The following STK3 variants were observed in gnomAD, a reference collection of about 807,000 sequenced individuals.
The protein encoded by STK3 is serine/threonine-protein kinase 3.
STK3 carries 41 observed loss-of-function variants against 58.0 expected under a neutral mutation model. The observed-to-expected ratio is 0.71, with a 90% CI of 0.55 to 0.92. The LOEUF is 0.92. Ranked by LOEUF, STK3 falls within the 40% of genes least tolerant of loss-of-function variation. STK3 has a pLI of 0.00. For synonymous variants in STK3, 170 were observed against 191.0 expected, an observed-to-expected ratio of 0.89 and a Z score of 0.91; for missense variants, 479 against 602.7, an observed-to-expected ratio of 0.79 and a Z score of 2.15.
chr8:98,767,350 T>C lies in STK3; in HGVS notation c.129A>G (p.Lys43=), dbSNP rs1414318589. 2.5e-6 allele frequency: 4 copies of C among 1,607,014 alleles called. No homozygotes were observed. The highest frequency in any genetic ancestry group is 3.4e-6 in the Non-Finnish European group (4 of 1,178,362). ...LGEGSYGSVF[K]AIHKESGQVV... is the part of the protein sequence containing the mutation. ...CTTGACCGGATTCCTTGTGTATTGC[T>C]TTAAATACACTTCCATAAGACCTAA... Residue 43 remains lysine (K), a synonymous_variant, in exon 3 of 11, where the codon AAA becomes AAG. Coordinates refer to ENST00000419617, the MANE Select transcript of STK3 (RefSeq NM_006281.4).
chr8:98,666,927 C>A (rs1302283334), intron 6 of STK3, among the ~76,000 whole-genome samples: 2 of 152,068 alleles, frequency 1.3e-5, no homozygotes, highest in East Asian at 1.9e-4. Flanking sequence ...ACAGTGTAAA[C>A]CTTAATTCGT....
chr8:98,720,750 CAAAA>C (rs35529460), intron 4 of STK3, among the ~76,000 whole-genome samples: 3 of 94,768 alleles, frequency 3.2e-5, no homozygotes, highest in Non-Finnish European at 6.5e-5. Context: ...GACTCCGTCT[CAAAA>C]AAAAAAAAAA....
chr8:98,743,806 A>C (rs532840474), intron 4 of STK3, among the ~76,000 whole-genome samples: 5 of 151,920 alleles, frequency 3.3e-5, no homozygotes, highest in African/African-American at 9.6e-5. Flanking sequence ...GCAACCTACA[A>C]AATGGGAGAA....
intron 10 of STK3, among the ~76,000 whole-genome samples, chr8:98,508,414 G>A (rs561923079): frequency 6.6e-6 from 1 of 152,156 alleles, no homozygotes; most frequent in African/African-American, 2.4e-5. Flanking sequence ...GTCAAGACAG[G>A]CAAATCCACA....
At chr8:98,368,740 G>C (rs57068052), downstream of STK3, among the ~76,000 whole-genome samples, 694 of 152,240 alleles carry the variant, frequency 4.6e-3, 6 homozygotes, top group African/African-American at 0.016. Context: ...GAACTGTGAT[G>C]GTGCCATCAC....
chr8:98,757,169 G>A (rs945663554), intron 3 of STK3, among the ~76,000 whole-genome samples: 4 of 151,662 alleles, frequency 2.6e-5, no homozygotes, highest in Non-Finnish European at 5.9e-5. Flanking sequence ...CATGATATGT[G>A]AGTAATAATA....
At chr8:98,668,969 C>T (rs146437669) in intron 6 of STK3, among the ~76,000 whole-genome samples, 3,239 of 149,680 alleles carry the variant, frequency 0.022, 48 homozygotes, top group Non-Finnish European at 0.034. Flanking sequence ...CTTGATTACA[C>T]GTGCCAAATT....
chr8:98,421,379 T>C (rs922487206), intron 3 of STK3, among the ~76,000 whole-genome samples: 4 of 152,186 alleles, frequency 2.6e-5, no homozygotes, highest in Non-Finnish European at 5.9e-5. Flanking sequence ...AGAGGGGCCC[T>C]GGAGGGAGGT....
In STK3 at chr8:98,455,972, T is replaced by G; in HGVS notation, c.1346A>C (p.Gln449Pro). 1.1e-5 allele frequency: 17 copies of G among 1,611,576 alleles called. No homozygotes were observed. The highest frequency in any genetic ancestry group is 2.7e-5 in the African/African-American group (2 of 75,032). The change falls in exon 11 of 11, where the codon CAG becomes CCG. Residue 449 changes from glutamine to proline, a missense_variant. Gln to Pro is a moderately conservative substitution (Grantham distance 76, BLOSUM62 -1). Transcript: ENST00000419617. ...FLKNLSLEEL[Q>P]MRLKALDPMM... is the part of the protein sequence containing the mutation. ...GGGGTCCAGTGCTTTTAACCGCATCTGTAGTTCTTCTAAACTTAGATTTTT... is the reference window on the plus strand; with the variant it reads ...GGGGTCCAGTGCTTTTAACCGCATCGGTAGTTCTTCTAAACTTAGATTTTT...
intron 1 of STK3, among the ~76,000 whole-genome samples, chr8:98,925,388 A>G (rs2132022386): frequency 6.6e-6 from 1 of 152,354 alleles, no homozygotes. Flanking sequence ...ATACGTGACT[A>G]TTCTGCAACA....
At chr8:98,728,638 A>T (rs1160767178) in intron 4 of STK3, among the ~76,000 whole-genome samples, 2 of 152,202 alleles carry the variant, frequency 1.3e-5, no homozygotes, top group Non-Finnish European at 2.9e-5. Flanking sequence ...AAGAGATCAG[A>T]AGACAACAGA....
intron 3 of STK3, among the ~76,000 whole-genome samples, chr8:98,765,476 C>G (rs1015387749): frequency 6.6e-6 from 1 of 152,206 alleles, no homozygotes; most frequent in Non-Finnish European, 1.5e-5. Flanking sequence ...CCATAAATCT[C>G]TAATTACAGG....
At chr8:98,617,267 G>C (rs1406173401) in intron 6 of STK3, among the ~76,000 whole-genome samples, 1 of 144,682 alleles carries the variant, frequency 6.9e-6, no homozygotes, top group Non-Finnish European at 1.5e-5. Flanking sequence ...AAACCAACGA[G>C]AACAAAGACA....
At chr8:98,413,776 G>A (rs1036510375) in intron 3 of STK3, 67 of 662,458 alleles carry the variant, frequency 1.0e-4, no homozygotes, top group Non-Finnish European at 1.7e-4. Context: ...GAAGCCCATC[G>A]TCATCCATCT....
chr8:98,774,027 C>T (rs1050723830), intron 2 of STK3, among the ~76,000 whole-genome samples: 2 of 152,132 alleles, frequency 1.3e-5, no homozygotes, highest in African/African-American at 4.8e-5. Context: ...AACTTCCGAC[C>T]TCAAGTGATC....
intron 1 of STK3, among the ~76,000 whole-genome samples, chr8:98,927,800 C>T (rs1483161555): frequency 2.6e-5 from 4 of 152,110 alleles, no homozygotes; most frequent in South Asian, 2.1e-4. Flanking sequence ...TAAGTGTCCA[C>T]GTTCCTAGGC....
chr8:98,593,009 C>T (rs960123431), intron 7 of STK3, among the ~76,000 whole-genome samples: 3 of 152,076 alleles, frequency 2.0e-5, no homozygotes, highest in African/African-American at 7.2e-5. Flanking sequence ...AGTGATCCAC[C>T]TGCCTCGGCC....
chr8:98,592,550 G>C (rs1328769651), intron 7 of STK3, among the ~76,000 whole-genome samples: 1 of 151,858 alleles, frequency 6.6e-6, no homozygotes, highest in Non-Finnish European at 1.5e-5. Context: ...GTGTGTGTGT[G>C]ACCTTTCTAC....
chr8:98,802,456 G>A (rs1168972699), intron 1 of STK3, among the ~76,000 whole-genome samples: 1 of 152,126 alleles, frequency 6.6e-6, no homozygotes, highest in South Asian at 2.1e-4. Flanking sequence ...AAAGGATGCA[G>A]TATATATAGG....
Sources: allele counts gnomAD v4.1 joint callset (sites outside exome capture counted in the v4.1 genomes callset), GRCh38; gene constraint gnomAD v4.1.1; transcripts MANE v1.5; gene names NCBI Gene and HGNC (gene_info 2026-07-23, HGNC 2026-07-21).